The following SMC5 variants were observed in gnomAD, a reference collection of about 807,000 sequenced individuals.
The protein encoded by SMC5 is structural maintenance of chromosomes 5.
Under a neutral mutation model 148.3 loss-of-function variants are expected in SMC5, and 88 were observed. The ratio of observed to expected loss-of-function variants is 0.59; its 90% CI spans 0.50 to 0.71. SMC5 has a LOEUF of 0.71. SMC5 is among the 30% of genes least tolerant of loss of function. SMC5 has a pLI of 0.00. For missense variants in SMC5, 1,142 were observed against 1,298.9 expected (o/e 0.88, Z 1.86); for synonymous variants, 421 against 432.8 (o/e 0.97, Z 0.34).
At position 70,341,255 on chromosome 9, in the gene SMC5, A is replaced by T. The variant is rs769886645; in HGVS notation, c.2398-2889A>T. Among the ~76,000 whole-genome samples, 3 of 152,186 alleles carry T rather than the reference A, an allele frequency of 2.0e-5. No homozygotes were observed. The South Asian group carries it at 6.2e-4, about 32-fold the overall frequency. On this transcript the variant is annotated intron_variant, in intron 17 of 24. Coordinates refer to ENST00000361138, the MANE Select transcript of SMC5 (RefSeq NM_015110.4). ...TATTTTATTACACATATGCCACCAA[A>T]CAAACTATTAAATGAGGTTTTGTCT...
intron 8 of SMC5, among the ~76,000 whole-genome samples, chr9:70,290,471 A>G (rs1451490481): frequency 1.3e-5 from 2 of 152,230 alleles, no homozygotes; most frequent in African/African-American, 4.8e-5. Flanking sequence ...CAAAGACTAA[A>G]TATATATGTT....
intron 8 of SMC5, among the ~76,000 whole-genome samples, chr9:70,291,007 G>C (rs2035043534): frequency 6.6e-6 from 1 of 152,132 alleles, no homozygotes; most frequent in South Asian, 2.1e-4. Flanking sequence ...TGTTGAAACT[G>C]AACAGTTTAA....
chr9:70,277,509 G>C, intron 4 of SMC5, 37 bp downstream of exon 4: 8 of 1,515,958 alleles, frequency 5.3e-6, no homozygotes, highest in Non-Finnish European at 7.1e-6. Flanking sequence ...GGAAAATTTT[G>C]TATATAGTGT....
chr9:70,348,978 G>T, intron 22 of SMC5, among the ~76,000 whole-genome samples: 1 of 152,152 alleles, frequency 6.6e-6, no homozygotes, highest in East Asian at 1.9e-4. Context: ...ACATATGTGG[G>T]TTGTATTATA....
chr9:70,297,621 CTG>C (rs1347501769), intron 8 of SMC5, among the ~76,000 whole-genome samples: 4 of 152,088 alleles, frequency 2.6e-5, no homozygotes, highest in African/African-American at 7.2e-5. Context: ...TGCCACATGA[CTG>C]TTTTAATTTT....
chr9:70,324,843 A>G (rs2036036523), intron 17 of SMC5, among the ~76,000 whole-genome samples: 1 of 152,182 alleles, frequency 6.6e-6, no homozygotes, highest in African/African-American at 2.4e-5. Context: ...AAAAGATACA[A>G]TCAGGACTAG....
chr9:70,339,880 T>A (rs1224102560), intron 17 of SMC5, among the ~76,000 whole-genome samples: 1 of 152,152 alleles, frequency 6.6e-6, no homozygotes, highest in Non-Finnish European at 1.5e-5. Flanking sequence ...GTCACTAACT[T>A]ATGGGCTATT....
chr9:70,309,318 CTTTTTTTTTTTTTTTTT>C (rs59694037), intron 11 of SMC5, among the ~76,000 whole-genome samples: 4 of 79,178 alleles, frequency 5.1e-5, no homozygotes, highest in Non-Finnish European at 7.0e-5. Context: ...TTTCCTTTTC[CTTTTTTTTTTTTTTTTT>C]TTTTTTTTTT....
chr9:70,338,947 G>A (rs1332786786), intron 17 of SMC5, among the ~76,000 whole-genome samples: 1 of 152,054 alleles, frequency 6.6e-6, no homozygotes, highest in African/African-American at 2.4e-5. Context: ...CTTGAGTCCA[G>A]GAGTTCAAGT....
chr9:70,344,069 T>C, intron 17 of SMC5, 75 bp from the exon 18 acceptor site: 1 of 812,368 alleles, frequency 1.2e-6, no homozygotes, highest in South Asian at 3.5e-5. Context: ...CAATATTTAA[T>C]ATGTGGTAGT....
intron 12 of SMC5, 117 bp from the exon 13 acceptor site, chr9:70,315,329 T>C (rs1295897491): frequency 1.7e-6 from 1 of 583,826 alleles, no homozygotes; most frequent in Non-Finnish European, 2.8e-6. Flanking sequence ...AGACTTGTCC[T>C]GTGTCATTGT....
At chr9:70,277,703 A>T (rs2034629773) in intron 4 of SMC5, among the ~76,000 whole-genome samples, 1 of 152,086 alleles carries the variant, frequency 6.6e-6, no homozygotes, top group Admixed American at 6.5e-5. Context: ...ATAAAGTATT[A>T]TTTTTGAAGT....
intron 8 of SMC5, among the ~76,000 whole-genome samples, chr9:70,293,911 T>G (rs1043765914): frequency 9.9e-5 from 15 of 152,156 alleles, no homozygotes; most frequent in African/African-American, 3.4e-4. Context: ...TAATTGTAAT[T>G]AATAAAAGTT....
chr9:70,308,374 G>A (rs561311092), intron 11 of SMC5, among the ~76,000 whole-genome samples: 1 of 152,010 alleles, frequency 6.6e-6, no homozygotes, highest in Non-Finnish European at 1.5e-5. Flanking sequence ...GGGAGGCTGA[G>A]GGGGGCGGAT....
intron 10 of SMC5, 124 bp downstream of exon 10, chr9:70,300,324 T>A: frequency 1.3e-6 from 1 of 788,570 alleles, no homozygotes; most frequent in Non-Finnish European, 1.9e-6. Context: ...GCATCTGGCA[T>A]ACTGCTGAAT....
chr9:70,268,073 A>G (rs745682070), intron 3 of SMC5, 98 bp downstream of exon 3: 327 of 826,048 alleles, frequency 4.0e-4, no homozygotes, highest in Non-Finnish European at 5.6e-4. Flanking sequence ...ATATAGTATT[A>G]TGGCATAAAT....
intron 1 of SMC5, among the ~76,000 whole-genome samples, chr9:70,259,715 G>T (rs143662050): frequency 0.028 from 4,199 of 152,176 alleles, 93 homozygotes; most frequent in Middle Eastern, 0.054. Flanking sequence ...GACGGTAAAG[G>T]TTGTTCGGGA....
In SMC5 at chr9:70,259,206, A is replaced by C. The variant is rs2034015503; in HGVS notation, c.128A>C (p.Gln43Pro). 1.2e-6 allele frequency: 2 copies of C among 1,607,920 alleles called. No individual in the cohort carries two copies. The highest frequency in any genetic ancestry group is 1.7e-6 in the Non-Finnish European group (2 of 1,177,014). The change falls in exon 1 of 25, where the codon CAG becomes CCG. Residue 43 changes from glutamine (Q) to proline (P), a missense_variant. Coordinates refer to ENST00000361138, the MANE Select transcript of SMC5 (RefSeq NM_015110.4). The stretch of plus-strand genomic sequence containing the variant: ...TCGGCCCCGCAGCTGCCGCTGTTGC[A>C]GTCGTCCGGGCCTTTCGTGGAAGGC... The part of the protein sequence containing the change: ...KNSAPQLPLL[Q>P]SSGPFVEGSI...
intron 17 of SMC5, among the ~76,000 whole-genome samples, chr9:70,337,360 T>C (rs1360678558): frequency 1.3e-5 from 2 of 152,106 alleles, no homozygotes; most frequent in African/African-American, 4.8e-5. Context: ...ATAGCCCTTA[T>C]AGATGGACTG....
Sources: gnomAD v4.1 joint callset for allele counts (sites outside exome capture counted in the v4.1 genomes callset) on GRCh38, gnomAD v4.1.1 for gene constraint, MANE v1.5 for transcripts, NCBI Gene and HGNC (gene_info 2026-07-23, HGNC 2026-07-21) for gene names.